CDK14: variants seen among roughly 807,000 people sequenced by gnomAD.
The protein encoded by CDK14 is cyclin dependent kinase 14.
CDK14 carries 34 observed loss-of-function variants against 60.7 expected under a neutral mutation model. The observed-to-expected ratio is 0.56, with a 90% confidence interval of 0.43 to 0.75. The LOEUF is 0.75. Ranked by LOEUF, CDK14 falls within the 30% of genes least tolerant of loss-of-function variation. CDK14 has a pLI of 0.00. For missense variants in CDK14, 482 were observed against 564.1 expected, an observed-to-expected ratio of 0.85 and a Z score of 1.47; for synonymous variants, 197 against 203.7, an observed-to-expected ratio of 0.97 and a Z score of 0.28.
At chr7:91,062,591 A>T (rs938816886) in intron 11 of CDK14, among the ~76,000 whole-genome samples, 3 of 152,100 alleles carry the variant, frequency 2.0e-5, no homozygotes, top group African/African-American at 7.2e-5. Context: ...AATGGCAAAA[A>T]TTTTAAGTGT....
intron 2 of CDK14, among the ~76,000 whole-genome samples, chr7:90,638,716 T>C (rs1250453816): frequency 1.3e-5 from 2 of 152,240 alleles, no homozygotes; most frequent in Non-Finnish European, 2.9e-5. Flanking sequence ...GATAATATCC[T>C]GCAGAGTGTT....
chr7:90,681,120 C>A (rs1801306476), intron 2 of CDK14, among the ~76,000 whole-genome samples: 1 of 152,124 alleles, frequency 6.6e-6, no homozygotes, highest in African/African-American at 2.4e-5. Context: ...TTTTGATGTG[C>A]ATATTTCTGT....
At chr7:90,896,839 A>T (rs1480320027) in intron 6 of CDK14, among the ~76,000 whole-genome samples, 1 of 152,194 alleles carries the variant, frequency 6.6e-6, no homozygotes, top group Admixed American at 6.5e-5. Context: ...TTCAGTTTTG[A>T]GGAAAGGATG....
At chr7:90,828,003 A>C (rs1317397830) in intron 5 of CDK14, among the ~76,000 whole-genome samples, 1 of 152,248 alleles carries the variant, frequency 6.6e-6, no homozygotes, top group Non-Finnish European at 1.5e-5. Context: ...TTGATATTAC[A>C]TGCATAGTCT....
Position 90,767,772 on chromosome 7 carries a change from C to A in CDK14, c.464+19997C>A, listed in dbSNP as rs113569250. On this transcript the variant is annotated intron_variant, in intron 4 of 14. Transcript: ENST00000380050. ...AACTAATATTATAGTAAGAACTATA[C>A]CTGAAAAAATAAAATTTTTTCTAAT... is the stretch of plus-strand genomic sequence containing the variant. Among the ~76,000 whole-genome samples the A allele has an allele frequency of 6.7e-3, 1,022 of 152,244 alleles. 7 individuals are homozygous for A. Among genetic ancestry groups the A allele is most frequent in the Non-Finnish European group, 9.3e-3 (633 of 68,024 alleles).
chr7:90,615,720 G>A (rs1425705272), intron 2 of CDK14, among the ~76,000 whole-genome samples: 1 of 152,130 alleles, frequency 6.6e-6, no homozygotes, highest in Non-Finnish European at 1.5e-5. Context: ...AGTTGTCTTG[G>A]AGTATTAGTT....
At chr7:90,821,511 A>G (rs1167918644) in intron 5 of CDK14, among the ~76,000 whole-genome samples, 2 of 152,086 alleles carry the variant, frequency 1.3e-5, no homozygotes, top group Non-Finnish European at 2.9e-5. Flanking sequence ...TGCCTCCTCA[A>G]GGGCCTGGCT....
chr7:91,118,302 A>C, intron 14 of CDK14, 94 bp downstream of exon 14: 1 of 613,172 alleles, frequency 1.6e-6, no homozygotes, highest in Non-Finnish European at 2.9e-6. Flanking sequence ...TTCACCAACT[A>C]TCCTATGAGT....
At chr7:90,623,444 G>A (rs375068519) in intron 2 of CDK14, among the ~76,000 whole-genome samples, 2 of 152,076 alleles carry the variant, frequency 1.3e-5, no homozygotes, top group East Asian at 3.8e-4. Context: ...AGGGTTGATG[G>A]CAGACTGGGA....
chr7:90,751,802 A>C (rs79778730), intron 4 of CDK14, among the ~76,000 whole-genome samples: 2,556 of 152,304 alleles, frequency 0.017, 34 homozygotes, highest in South Asian at 0.048. Flanking sequence ...ATGTGATTAC[A>C]CAAGTAGGCT....
intron 2 of CDK14, among the ~76,000 whole-genome samples, chr7:90,716,876 G>A (rs769279042): frequency 1.3e-5 from 2 of 151,996 alleles, no homozygotes; most frequent in Admixed American, 6.6e-5. Context: ...AGTGCACCAT[G>A]TCTCAAATTT....
At chr7:91,067,201 A>T (rs1190709165) in intron 11 of CDK14, among the ~76,000 whole-genome samples, 1 of 152,222 alleles carries the variant, frequency 6.6e-6, no homozygotes, top group Non-Finnish European at 1.5e-5. Context: ...TCAAAACTTA[A>T]CGTGGCTAAT....
chr7:90,814,339 T>G (rs1334221173), intron 5 of CDK14, among the ~76,000 whole-genome samples: 2 of 152,194 alleles, frequency 1.3e-5, no homozygotes, highest in Non-Finnish European at 2.9e-5. Context: ...CCAGCTGTCC[T>G]GTCATTACAA....
At chr7:91,038,911 A>G (rs868486632) in intron 10 of CDK14, among the ~76,000 whole-genome samples, 6 of 152,204 alleles carry the variant, frequency 3.9e-5, no homozygotes, top group African/African-American at 9.6e-5. Flanking sequence ...CTCCCCAGCC[A>G]TGTGGAACTG....
chr7:90,639,841 G>A (rs1282451274), intron 2 of CDK14, among the ~76,000 whole-genome samples: 3 of 152,106 alleles, frequency 2.0e-5, no homozygotes, highest in South Asian at 2.1e-4. Context: ...CCCTCCCCCA[G>A]CCTGGCTGCT....
intron 2 of CDK14, among the ~76,000 whole-genome samples, chr7:90,639,837 C>G (rs1234059125): frequency 6.6e-6 from 1 of 152,150 alleles, no homozygotes; most frequent in Non-Finnish European, 1.5e-5. Context: ...GCGCCCCTCC[C>G]CCAGCCTGGC....
intron 2 of CDK14, among the ~76,000 whole-genome samples, chr7:90,659,873 CTCTGTGTG>C (rs1464325842): frequency 7.1e-6 from 1 of 140,688 alleles, no homozygotes; most frequent in African/African-American, 2.8e-5. Context: ...CTCTCTCTCT[CTCTGTGTG>C]TGTGTGTGTG....
chr7:91,116,215 A>T, intron 13 of CDK14, among the ~76,000 whole-genome samples: 1 of 152,248 alleles, frequency 6.6e-6, no homozygotes. Context: ...AAGTAAATGA[A>T]CAAAATACAC....
chr7:90,637,844 A>G (rs1409561322), intron 2 of CDK14, among the ~76,000 whole-genome samples: 1 of 149,600 alleles, frequency 6.7e-6, no homozygotes, highest in Non-Finnish European at 1.5e-5. Context: ...TATATTTAGG[A>G]TAGTTAGCTG....
Sources: allele counts gnomAD v4.1 joint callset (sites outside exome capture counted in the v4.1 genomes callset), GRCh38; gene constraint gnomAD v4.1.1; transcripts MANE v1.5; gene names NCBI Gene and HGNC (gene_info 2026-07-23, HGNC 2026-07-21).